KCNMA1: variants seen among roughly 807,000 people sequenced by gnomAD.
The protein encoded by KCNMA1 is potassium calcium-activated channel subfamily M alpha 1.
KCNMA1 carries 29 observed loss-of-function variants against 140.0 expected under a neutral mutation model. The ratio of observed to expected loss-of-function variants is 0.21; its 90% CI spans 0.15 to 0.28. The LOEUF (loss-of-function observed/expected upper bound fraction) is 0.28. Ranked by LOEUF, KCNMA1 falls within the 10% of genes least tolerant of loss-of-function variation. The pLI, the probability that KCNMA1 is intolerant of heterozygous loss-of-function variation, is 1.00. For missense variants in KCNMA1, 880 were observed against 1,602.2 expected (o/e 0.55, Z 7.70); for synonymous variants, 612 against 611.9 (o/e 1.00, Z 0.00).
chr10:77,492,939 C>T (rs529076629), intron 1 of KCNMA1, among the ~76,000 whole-genome samples: 2 of 152,298 alleles, frequency 1.3e-5, no homozygotes, highest in South Asian at 4.1e-4. Context: ...TGAAATTTTA[C>T]AAAGAAATTA....
chr10:77,014,058 T>C (rs555682344), intron 17 of KCNMA1, among the ~76,000 whole-genome samples: 1 of 152,216 alleles, frequency 6.6e-6, no homozygotes, highest in Non-Finnish European at 1.5e-5. Context: ...TGTGGAATAG[T>C]TGAATCAAGC....
chr10:77,049,683 C>A (rs1234637610), intron 14 of KCNMA1, among the ~76,000 whole-genome samples: 1 of 152,170 alleles, frequency 6.6e-6, no homozygotes, highest in African/African-American at 2.4e-5. Context: ...AACAATTTTT[C>A]TAGGCATCTG....
At chr10:77,198,945 G>T (rs2041604969) in intron 3 of KCNMA1, among the ~76,000 whole-genome samples, 1 of 152,076 alleles carries the variant, frequency 6.6e-6, no homozygotes, top group Non-Finnish European at 1.5e-5. Flanking sequence ...GGCCTTGATA[G>T]GGAACTTAGG....
At chr10:77,184,639 G>A (rs1267531543) in intron 4 of KCNMA1, among the ~76,000 whole-genome samples, 184 bp downstream of exon 4, 1 of 152,208 alleles carries the variant, frequency 6.6e-6, no homozygotes, top group Admixed American at 6.5e-5. Flanking sequence ...AAACAAAACT[G>A]ATGTGAATTC....
At chr10:77,107,843 C>A (rs964289776) in intron 9 of KCNMA1, among the ~76,000 whole-genome samples, 3 of 152,166 alleles carry the variant, frequency 2.0e-5, no homozygotes, top group African/African-American at 4.8e-5. Context: ...GGCCGCAGTG[C>A]CTTTGCAGTA....
chr10:77,445,063 A>G (rs1010631246), intron 1 of KCNMA1, among the ~76,000 whole-genome samples: 10 of 152,186 alleles, frequency 6.6e-5, no homozygotes, highest in Admixed American at 2.0e-4. Context: ...CTCACCCCAG[A>G]CAGGGCCAGA....
intron 15 of KCNMA1, among the ~76,000 whole-genome samples, chr10:77,038,299 T>G (rs1406952317): frequency 6.6e-6 from 1 of 152,140 alleles, no homozygotes; most frequent in Non-Finnish European, 1.5e-5. Context: ...CTGATCAGTT[T>G]TGTTTCGATG....
chr10:77,434,531 T>C (rs955559670), intron 1 of KCNMA1, among the ~76,000 whole-genome samples: 5 of 152,186 alleles, frequency 3.3e-5, no homozygotes, highest in Non-Finnish European at 7.3e-5. Context: ...TGGACCATTA[T>C]GGATTGACAT....
At chr10:77,457,360 A>G (rs2097777888) in intron 1 of KCNMA1, among the ~76,000 whole-genome samples, 1 of 152,114 alleles carries the variant, frequency 6.6e-6, no homozygotes, top group Admixed American at 6.5e-5. Context: ...ATTTGGTGGC[A>G]TCTCCAGATA....
intron 1 of KCNMA1, among the ~76,000 whole-genome samples, chr10:77,614,312 G>A (rs2088408280): frequency 6.6e-6 from 1 of 152,116 alleles, no homozygotes; most frequent in Non-Finnish European, 1.5e-5. Flanking sequence ...CGTGTTTGGT[G>A]CTGGGAATAC....
intron 19 of KCNMA1, among the ~76,000 whole-genome samples, chr10:76,978,045 C>T (rs1034211986): frequency 6.6e-6 from 1 of 152,198 alleles, no homozygotes; most frequent in African/African-American, 2.4e-5. Context: ...TTATTTCAAC[C>T]GTCAGCTGCC....
At chr10:76,955,310 A>G (rs1185030294) in intron 20 of KCNMA1, among the ~76,000 whole-genome samples, 1 of 151,838 alleles carries the variant, frequency 6.6e-6, no homozygotes, top group African/African-American at 2.4e-5. Context: ...TGTCAAGAGT[A>G]CAGAGTGGGA....
At chr10:76,946,575 T>C (rs1178058413) in intron 22 of KCNMA1, among the ~76,000 whole-genome samples, 1 of 152,218 alleles carries the variant, frequency 6.6e-6, no homozygotes, top group East Asian at 1.9e-4. Context: ...AGCACTGTGG[T>C]TGCTGCTGAG....
intron 14 of KCNMA1, among the ~76,000 whole-genome samples, chr10:77,049,055 C>T (rs751682527): frequency 3.3e-5 from 5 of 152,130 alleles, no homozygotes; most frequent in African/African-American, 7.2e-5. Context: ...TGAGCCACCG[C>T]GCCCGGCCAG....
chr10:77,145,858 G>A (rs2098278713), intron 5 of KCNMA1, among the ~76,000 whole-genome samples: 1 of 152,112 alleles, frequency 6.6e-6, no homozygotes, highest in Admixed American at 6.6e-5. Flanking sequence ...CCATTAATTG[G>A]GAGTGAGCAT....
rs555184225 is a variant in KCNMA1, at chr10:77,139,493, A to G, written c.809-18445T>C. 9.2e-5 allele frequency among the ~76,000 whole-genome samples: 14 copies of G among 152,328 alleles called. No individual in the cohort carries two copies. In the East Asian group the frequency reaches 2.5e-3, roughly 27 times the overall value. On this transcript the variant is annotated intron_variant, in intron 5 of 27. Coordinates refer to ENST00000286628, the MANE Select transcript of KCNMA1 (RefSeq NM_001161352.2). ...ACTAGGTTTCACTTATTGCTTGCCA[A>G]CTGGAATTTTGTTAGGCACAATTAC... is the stretch of plus-strand genomic sequence containing the variant.
At chr10:77,261,476 G>C (rs1343202688) in intron 2 of KCNMA1, among the ~76,000 whole-genome samples, 6 of 152,150 alleles carry the variant, frequency 3.9e-5, no homozygotes, top group Admixed American at 3.9e-4. Flanking sequence ...AAACATCGCA[G>C]GAGTGTTGTC....
intron 3 of KCNMA1, among the ~76,000 whole-genome samples, chr10:77,212,849 T>C (rs1368546703): frequency 6.6e-6 from 1 of 152,178 alleles, no homozygotes; most frequent in Non-Finnish European, 1.5e-5. Context: ...AGAAAAAAAA[T>C]GACAGGAAAC....
Position 77,522,824 on chromosome 10 carries a change from A to G in KCNMA1, c.378+114441T>C, listed in dbSNP as rs78963115. On this transcript the variant is annotated intron_variant, in intron 1 of 27. Transcript: ENST00000286628. ...ATTTTGAACATACAGAACTGCTAAC[A>G]CAGAGACCTCTAATTTCCTTTAATA... 9.0e-3 allele frequency among the ~76,000 whole-genome samples: 1,366 copies of G among 152,330 alleles called. 12 individuals are homozygous for G. The highest frequency in any genetic ancestry group is 0.049 in the East Asian group (254 of 5,178).
Sources: allele counts gnomAD v4.1 joint callset (sites outside exome capture counted in the v4.1 genomes callset), GRCh38; gene constraint gnomAD v4.1.1; transcripts MANE v1.5; gene names NCBI Gene and HGNC (gene_info 2026-07-23, HGNC 2026-07-21).